Variants in GOLGA8A observed in about 807,000 individuals in gnomAD.
GOLGA8A encodes the protein golgin A8 family member A.
In GOLGA8A, 3 loss-of-function variants were observed where a neutral mutation model predicts 22.1. That is an observed-to-expected ratio of 0.14 (90% CI 0.06 to 0.35). The LOEUF (loss-of-function observed/expected upper bound fraction) is 0.35, where lower values mean the gene tolerates loss of function less well. GOLGA8A is among the 10% of genes least tolerant of loss of function. GOLGA8A has a pLI of 1.00. For missense variants in GOLGA8A, 16 were observed against 233.2 expected, an observed-to-expected ratio of 0.07 and a Z score of 6.07; for synonymous variants, 7 against 91.7, an observed-to-expected ratio of 0.08 and a Z score of 5.28.
intron 2 of GOLGA8A, among the ~76,000 whole-genome samples, chr15:34,429,852 A>G (rs1273162511): frequency 6.7e-6 from 1 of 148,206 alleles, no homozygotes; most frequent in Non-Finnish European, 1.5e-5. Context: ...ATGACGGGCA[A>G]GGTGAGACCT....
chr15:34,437,795 G>A lies in GOLGA8A; in HGVS notation c.-1609C>T, dbSNP rs561061636. Among the ~76,000 whole-genome samples the A allele has an allele frequency of 2.0e-5, 3 of 148,926 alleles. No homozygotes were observed. The highest frequency in any genetic ancestry group is 3.0e-5 in the Non-Finnish European group (2 of 66,968). Reference sequence around the variant, plus strand: ...GCACACCTCGACTGCTGATTAGCCCGACAGCTGAATAGCGGCGGGAGCCTA... The same window carrying A: ...GCACACCTCGACTGCTGATTAGCCCAACAGCTGAATAGCGGCGGGAGCCTA... On this transcript the variant is annotated 5_prime_UTR_variant, in exon 1 of 25. Coordinates refer to ENST00000359187, the MANE Select transcript of GOLGA8A (RefSeq NM_181077.5).
At chr15:34,432,307 T>C (rs879882757) in intron 2 of GOLGA8A, among the ~76,000 whole-genome samples, 7 of 148,594 alleles carry the variant, frequency 4.7e-5, no homozygotes, top group Non-Finnish European at 1.0e-4. Context: ...TGCCCACCAG[T>C]GGTCATGAGT....
At chr15:34,436,990 G>C (rs1284791409) in intron 1 of GOLGA8A, among the ~76,000 whole-genome samples, 2 of 149,468 alleles carry the variant, frequency 1.3e-5, no homozygotes, top group Admixed American at 6.7e-5. Flanking sequence ...ACGGGGACTT[G>C]ATGCCGGCGC....
intron 8 of GOLGA8A, among the ~76,000 whole-genome samples, 178 bp downstream of exon 8, chr15:34,398,456 A>C (rs200035598): frequency 0.1 from 12,986 of 125,960 alleles, 2,180 homozygotes; most frequent in South Asian, 0.26. Context: ...GGAAAAAAGC[A>C]ATAATAAAGA....
intron 18 of GOLGA8A, 37 bp downstream of exon 18, chr15:34,383,709 G>GGT: frequency 7.5e-6 from 1 of 133,570 alleles, no homozygotes; most frequent in South Asian, 4.4e-5. Context: ...GTTGGTGGGG[G>GGT]GGGGGTGGGG....
At chr15:34,434,355 C>T (rs138941581) in intron 2 of GOLGA8A, among the ~76,000 whole-genome samples, 14,121 of 149,426 alleles carry the variant, frequency 0.095, 1,797 homozygotes, top group South Asian at 0.25. Context: ...ACAGCCGGCA[C>T]AGAAATCATA....
chr15:34,380,163 G>C lies in GOLGA8A; in HGVS notation c.*1248C>G, dbSNP rs1486798043. 6.6e-6 allele frequency: 1 copy of C among 152,248 alleles called. No individual in the cohort carries two copies. The highest frequency in any genetic ancestry group is 2.4e-5 in the African/African-American group (1 of 41,454). 9.4% of individuals were successfully genotyped at this position (152,248 alleles called of 1,614,324 possible). Reference sequence around the variant, plus strand: ...ATAATGTTTGTTATTACTTTCTAAAGTGTTTTCCACTCAAGGAAAAGAAGT... The same window carrying C: ...ATAATGTTTGTTATTACTTTCTAAACTGTTTTCCACTCAAGGAAAAGAAGT... On this transcript the variant is annotated 3_prime_UTR_variant, in exon 25 of 25. Transcript: ENST00000359187.
In GOLGA8A at chr15:34,434,618, TG is replaced by T. The variant is rs1455047411; in HGVS notation, c.-1123+764del. ...GCAGCAGGGGGGTGGGGAGGAACTCTGGGAAAGGAAGGAGCCAGAGAAGTCT... is the reference window on the plus strand; with the variant it reads ...GCAGCAGGGGGGTGGGGAGGAACTCTGGAAAGGAAGGAGCCAGAGAAGTCT... On this transcript the variant is annotated intron_variant, in intron 2 of 24. Coordinates refer to ENST00000359187, the MANE Select transcript of GOLGA8A (RefSeq NM_181077.5). 2.8e-4 allele frequency among the ~76,000 whole-genome samples: 42 copies of T among 148,648 alleles called. 6 individuals carry two copies. The highest frequency in any genetic ancestry group is 3.4e-4 in the Admixed American group (5 of 14,736).
At chr15:34,436,361 A>G (rs991790887) in intron 1 of GOLGA8A, among the ~76,000 whole-genome samples, 1 of 149,730 alleles carries the variant, frequency 6.7e-6, no homozygotes, top group Non-Finnish European at 1.5e-5. Flanking sequence ...TAGCCCAAAA[A>G]CAAAGTGCCA....
At position 34,435,072 on chromosome 15, in the gene GOLGA8A, C is replaced by A. The variant is rs974376052; in HGVS notation, c.-1123+311G>T. The stretch of plus-strand genomic sequence containing the variant: ...GTAAAGGTTTCTCCAAGACTTCAGA[C>A]GACGGTGTCACCTGAGGCCCTCACC... On this transcript the variant is annotated intron_variant, in intron 2 of 24. Coordinates refer to ENST00000359187, the MANE Select transcript of GOLGA8A (RefSeq NM_181077.5). 6.7e-5 allele frequency among the ~76,000 whole-genome samples: 10 copies of A among 149,522 alleles called. 2 individuals are homozygous for A. The highest frequency in any genetic ancestry group is 6.1e-4 in the Admixed American group (9 of 14,832).
intron 2 of GOLGA8A, among the ~76,000 whole-genome samples, chr15:34,432,131 A>G (rs1966538): frequency 0.094 from 14,020 of 148,976 alleles, 1,744 homozygotes; most frequent in South Asian, 0.25. Context: ...GCAAAATGGA[A>G]AACACCTTAG....
rs1893134379 is a variant in GOLGA8A, at chr15:34,429,543, C to A, written c.-1123+5840G>T. Among the ~76,000 whole-genome samples, 2 of 148,940 alleles carry A rather than the reference C, an allele frequency of 1.3e-5. 1 individual carries two copies. Among genetic ancestry groups the A allele is most frequent in the African/African-American group, 5.0e-5 (2 of 40,330 alleles). On this transcript the variant is annotated intron_variant, in intron 2 of 24. Coordinates refer to ENST00000359187, the MANE Select transcript of GOLGA8A (RefSeq NM_181077.5). Reference sequence around the variant, plus strand: ...ACCCCAACCTACCGTGGGGCTCTCACATCTTCCAGACTGTGCCTCTCTAGG... The same window carrying A: ...ACCCCAACCTACCGTGGGGCTCTCAAATCTTCCAGACTGTGCCTCTCTAGG...
Position 34,421,303 on chromosome 15 carries a change from G to A in GOLGA8A, c.-1122-13568C>T, listed in dbSNP as rs568940545. 3.0e-3 allele frequency among the ~76,000 whole-genome samples: 427 copies of A among 143,308 alleles called. 61 individuals are homozygous for A. Among genetic ancestry groups the A allele is most frequent in the Middle Eastern group, 7.2e-3 (2 of 276 alleles). 94.0% of individuals were successfully genotyped at this position (143,308 alleles called of 152,430 possible). ...GCTATTGTGAGAAGAGTCACATGAA[G>A]GTACCCAAAAGTTGTCACAGTCCAC... On this transcript the variant is annotated intron_variant, in intron 2 of 24. Transcript: ENST00000359187.
At chr15:34,404,604 C>T (rs1892154345) in intron 5 of GOLGA8A, among the ~76,000 whole-genome samples, 1 of 114,576 alleles carries the variant, frequency 8.7e-6, no homozygotes, top group African/African-American at 3.0e-5. Context: ...GAGACCCCAT[C>T]TCTACTAAAA....
rs548137746 is a variant in GOLGA8A, at chr15:34,430,947, C to T, written c.-1123+4436G>A. ...CACCCGTGACAGCTGCCACCAGCTC[C>T]GGATAATTCAGACAGATGCTAGAGC... On this transcript the variant is annotated intron_variant, in intron 2 of 24. Transcript: ENST00000359187. Among the ~76,000 whole-genome samples, 38 of 149,170 alleles carry T rather than the reference C, an allele frequency of 2.5e-4. 1 individual carries two copies. The East Asian group carries it at 5.4e-3, about 21-fold the overall frequency.
chr15:34,435,917 G>A (rs543532555), intron 1 of GOLGA8A, among the ~76,000 whole-genome samples: 2 of 149,038 alleles, frequency 1.3e-5, no homozygotes, highest in Admixed American at 6.8e-5. Context: ...AGCCCCAGCA[G>A]GTTCCACGTG....
chr15:34,433,243 G>A (rs1411636880), intron 2 of GOLGA8A, among the ~76,000 whole-genome samples: 2 of 149,182 alleles, frequency 1.3e-5, no homozygotes, highest in African/African-American at 4.9e-5. Context: ...CTGGGACAGA[G>A]TCTGACATTA....
rs1291573549 is a variant in GOLGA8A at position 34,379,181 on chromosome 15, C to A, written c.*2230G>T. On this transcript the variant is annotated 3_prime_UTR_variant, in exon 25 of 25. Transcript: ENST00000359187. ...CCGTTACACATTCTGTTAACAAGAA[C>A]TCATACATTGGTAAAATTCATTCTA... The A allele has an allele frequency of 6.6e-6, 1 of 152,578 alleles. No individual in the cohort carries two copies. Among genetic ancestry groups the A allele is most frequent in the East Asian group, 1.9e-4 (1 of 5,200 alleles). 9.5% of individuals were successfully genotyped at this position (152,578 alleles called of 1,614,324 possible). A position where few individuals can be genotyped will look rare whatever the true frequency, so the allele number is the denominator to read the frequency against.
At chr15:34,423,978 T>C (rs1242474507) in intron 2 of GOLGA8A, among the ~76,000 whole-genome samples, 1 of 147,334 alleles carries the variant, frequency 6.8e-6, no homozygotes, top group African/African-American at 2.5e-5. Context: ...GTCCCAGACA[T>C]TGCCACCACC....
Sources: allele counts gnomAD v4.1 joint callset (sites outside exome capture counted in the v4.1 genomes callset), GRCh38; gene constraint gnomAD v4.1.1; transcripts MANE v1.5; gene names NCBI Gene and HGNC (gene_info 2026-07-23, HGNC 2026-07-21).